THSD4: variants seen among roughly 807,000 people sequenced by gnomAD.
THSD4 encodes the protein thrombospondin type 1 domain containing 4, also known as thrombospondin type-1 domain-containing protein 4.
A neutral mutation model predicts 119.0 loss-of-function variants in THSD4; 69 were observed. The ratio of observed to expected loss-of-function variants is 0.58; its 90% confidence interval spans 0.48 to 0.71. The LOEUF (loss-of-function observed/expected upper bound fraction) is 0.71. Ranked by LOEUF, THSD4 falls within the 30% of genes least tolerant of loss-of-function variation. THSD4 has a pLI of 0.00. For synonymous variants in THSD4, 524 were observed against 540.4 expected, an observed-to-expected ratio of 0.97 and a Z score of 0.42; for missense variants, 1,393 against 1,391.1, an observed-to-expected ratio of 1.00 and a Z score of -0.02.
chr15:71,312,034 G>A (rs374510817), intron 6 of THSD4, among the ~76,000 whole-genome samples: 1 of 152,136 alleles, frequency 6.6e-6, no homozygotes, highest in Admixed American at 6.5e-5. Flanking sequence ...CAGACCCTCC[G>A]TGGCCTTCCT....
At chr15:71,741,929 G>A (rs77681681) in intron 11 of THSD4, among the ~76,000 whole-genome samples, 3,705 of 152,282 alleles carry the variant, frequency 0.024, 154 homozygotes, top group African/African-American at 0.084. Context: ...GCAGCGGCCC[G>A]TGGAGGCCTC....
At chr15:71,499,079 T>TTCTA (rs1285402746) in intron 7 of THSD4, among the ~76,000 whole-genome samples, 1 of 152,100 alleles carries the variant, frequency 6.6e-6, no homozygotes, top group Non-Finnish European at 1.5e-5. Flanking sequence ...GACAAATCAA[T>TTCTA]TCTAAGTGCT....
At chr15:71,611,309 G>A (rs1410159510) in intron 7 of THSD4, among the ~76,000 whole-genome samples, 2 of 152,172 alleles carry the variant, frequency 1.3e-5, no homozygotes, top group Non-Finnish European at 2.9e-5. Flanking sequence ...CATTTGGAGG[G>A]TCTTGAGTGT....
chr15:71,364,201 C>T (rs2045928036), intron 6 of THSD4, among the ~76,000 whole-genome samples: 1 of 152,094 alleles, frequency 6.6e-6, no homozygotes, highest in Non-Finnish European at 1.5e-5. Context: ...AGCATGATGG[C>T]GTGGAATCAC....
At chr15:71,727,577 T>TAC (rs2052880046) in intron 8 of THSD4, among the ~76,000 whole-genome samples, 1 of 36,092 alleles carries the variant, frequency 2.8e-5, no homozygotes, top group African/African-American at 1.1e-4. Context: ...TATATATATA[T>TAC]ATATATATAT....
intron 6 of THSD4, among the ~76,000 whole-genome samples, chr15:71,293,039 T>C (rs2044814196): frequency 6.6e-6 from 1 of 152,182 alleles, no homozygotes; most frequent in South Asian, 2.1e-4. Flanking sequence ...CTCCAAGTTC[T>C]TTTTGTGTTT....
chr15:71,556,356 CTTTAT>C (rs1355964551), intron 7 of THSD4, among the ~76,000 whole-genome samples: 4 of 146,386 alleles, frequency 2.7e-5, no homozygotes, highest in Non-Finnish European at 6.0e-5. Flanking sequence ...TCTTATACAT[CTTTAT>C]TTTATATTTA....
chr15:71,172,835 A>G (rs2043394503), intron 3 of THSD4, among the ~76,000 whole-genome samples: 1 of 150,548 alleles, frequency 6.6e-6, no homozygotes, highest in Admixed American at 6.6e-5. Flanking sequence ...TTCAATCTGT[A>G]TCTTGTACAA....
intron 6 of THSD4, among the ~76,000 whole-genome samples, chr15:71,281,682 T>C (rs2044655206): frequency 6.6e-6 from 1 of 152,252 alleles, no homozygotes; most frequent in Admixed American, 6.5e-5. Flanking sequence ...TGGATATATG[T>C]ATTGTGTTAA....
intron 4 of THSD4, among the ~76,000 whole-genome samples, chr15:71,217,132 G>A (rs780538368): frequency 1.3e-5 from 2 of 152,186 alleles, no homozygotes; most frequent in Non-Finnish European, 2.9e-5. Context: ...TGGCCAATAT[G>A]TTTTGGAATT....
intron 17 of THSD4, among the ~76,000 whole-genome samples, chr15:71,772,789 G>T (rs191033478): frequency 3.3e-5 from 5 of 152,208 alleles, no homozygotes; most frequent in Non-Finnish European, 7.3e-5. Flanking sequence ...TGATAAGTAA[G>T]TGGGGAGAGG....
At chr15:71,429,432 A>G (rs944266081) in intron 7 of THSD4, among the ~76,000 whole-genome samples, 4 of 152,204 alleles carry the variant, frequency 2.6e-5, no homozygotes. Flanking sequence ...GTTTGTGACA[A>G]AAGTCTGTCC....
At chr15:71,283,563 T>C (rs1221501549) in intron 6 of THSD4, among the ~76,000 whole-genome samples, 1 of 152,200 alleles carries the variant, frequency 6.6e-6, no homozygotes, top group Admixed American at 6.5e-5. Context: ...ATTGAATATT[T>C]ACTATGTGGC....
At chr15:71,505,339 G>A (rs1191421220) in intron 7 of THSD4, among the ~76,000 whole-genome samples, 13 of 152,164 alleles carry the variant, frequency 8.5e-5, no homozygotes, top group East Asian at 1.9e-4. Flanking sequence ...ACAGAGGTTC[G>A]TTGAGTATCT....
chr15:71,605,497 C>G (rs2050092111), intron 7 of THSD4, among the ~76,000 whole-genome samples: 1 of 152,204 alleles, frequency 6.6e-6, no homozygotes, highest in African/African-American at 2.4e-5. Context: ...GTGCCCATTA[C>G]TAACTACTGA....
At chr15:71,545,650 C>G (rs12148644) in intron 7 of THSD4, among the ~76,000 whole-genome samples, 37,187 of 152,142 alleles carry the variant, frequency 0.24, 5,896 homozygotes, top group East Asian at 0.64. Flanking sequence ...CGGTAGATAA[C>G]TTTGCCCCTT....
At chr15:71,167,399 T>C (rs2043303814) in intron 3 of THSD4, among the ~76,000 whole-genome samples, 1 of 152,218 alleles carries the variant, frequency 6.6e-6, no homozygotes, top group African/African-American at 2.4e-5. Flanking sequence ...CAAAAACAGG[T>C]AGTGAGCTAG....
chr15:71,585,731 A>G (rs921028755), intron 7 of THSD4, among the ~76,000 whole-genome samples: 1 of 151,960 alleles, frequency 6.6e-6, no homozygotes, highest in African/African-American at 2.4e-5. Context: ...GGTTCACTTG[A>G]TGGTGTCCCA....
At chr15:71,499,954 A>G (rs1410437146) in intron 7 of THSD4, among the ~76,000 whole-genome samples, 2 of 152,132 alleles carry the variant, frequency 1.3e-5, no homozygotes, top group Non-Finnish European at 2.9e-5. Context: ...GGGTGTGCAA[A>G]TATCTCTTCA....
Sources: gnomAD v4.1 joint callset for allele counts (sites outside exome capture counted in the v4.1 genomes callset) on GRCh38, gnomAD v4.1.1 for gene constraint, MANE v1.5 for transcripts, NCBI Gene and HGNC (gene_info 2026-07-23, HGNC 2026-07-21) for gene names.